KCNH8: variants seen among roughly 807,000 people sequenced by gnomAD.
The protein encoded by KCNH8 is voltage-gated delayed rectifier potassium channel KCNH8.
KCNH8 carries 70 observed loss-of-function variants against 103.6 expected under a neutral mutation model. That is an observed-to-expected ratio of 0.68 (90% CI 0.56 to 0.82). The LOEUF (loss-of-function observed/expected upper bound fraction) is 0.82. Ranked by LOEUF, KCNH8 falls within the 40% of genes least tolerant of loss-of-function variation. KCNH8 has a pLI of 0.00. For synonymous variants in KCNH8, 498 were observed against 489.4 expected (o/e 1.02, Z -0.23); for missense variants, 1,217 against 1,329.9 (o/e 0.92, Z 1.32).
intron 3 of KCNH8, among the ~76,000 whole-genome samples, chr3:19,283,167 A>G (rs1280843870): frequency 6.6e-6 from 1 of 152,190 alleles, no homozygotes; most frequent in Non-Finnish European, 1.5e-5. Context: ...AGAGGCTAGC[A>G]TGTCGCACTA....
Position 19,534,408 on chromosome 3 carries a change from T to C in KCNH8, c.*309T>C. 1.7e-5 allele frequency: 6 copies of C among 353,472 alleles called. No individual in the cohort carries two copies. The East Asian group carries it at 3.1e-4, about 18-fold the overall frequency. The allele number at this position is 353,472 out of a possible 1,614,324, so 21.9% of individuals were successfully genotyped here. A position where few individuals can be genotyped will look rare whatever the true frequency, so the allele number is the denominator to read the frequency against. On this transcript the variant is annotated 3_prime_UTR_variant, in exon 16 of 16. Transcript: ENST00000328405. ...AAGTCCTAGACAAAGAACTTGTGGA[T>C]GACTTTTGTCCCATGTGGCTTTTGT... is the stretch of plus-strand genomic sequence containing the variant.
At chr3:19,386,871 A>G (rs2066364575) in intron 5 of KCNH8, among the ~76,000 whole-genome samples, 1 of 152,114 alleles carries the variant, frequency 6.6e-6, no homozygotes, top group South Asian at 2.1e-4. Flanking sequence ...AGCTACATTC[A>G]GTGTTTGCGA....
Position 19,456,805 on chromosome 3 carries a change from G to A in KCNH8, c.1863G>A (p.Lys621=), listed in dbSNP as rs185490797. The A allele has an allele frequency of 5.6e-6, 9 of 1,610,798 alleles. No homozygotes were observed. Among genetic ancestry groups the A allele is most frequent in the African/African-American group, 4.0e-5 (3 of 74,640 alleles). The change falls in exon 11 of 16, where the codon AAG becomes AAA. Residue 621 remains lysine (K), a synonymous_variant. Coordinates refer to ENST00000328405, the MANE Select transcript of KCNH8 (RefSeq NM_144633.3). ...TAATTGGAGCAAATCTATCAATTAAGGACCAAGTGATCAAGACCAATGCAG... is the reference window on the plus strand; with the variant it reads ...TAATTGGAGCAAATCTATCAATTAAAGACCAAGTGATCAAGACCAATGCAG... ...GDLIGANLSI[K]DQVIKTNADV...
chr3:19,457,889 G>A (rs904011741), intron 11 of KCNH8, among the ~76,000 whole-genome samples: 7 of 151,960 alleles, frequency 4.6e-5, no homozygotes, highest in African/African-American at 1.7e-4. Context: ...TCTAATGACA[G>A]TAAGTATGTA....
chr3:19,308,433 G>C (rs930142575), intron 3 of KCNH8, among the ~76,000 whole-genome samples: 3 of 151,720 alleles, frequency 2.0e-5, no homozygotes, highest in Admixed American at 6.6e-5. Context: ...AGCCTAATCA[G>C]TTACCTTGGG....
At chr3:19,230,107 G>A (rs2063977309) in intron 1 of KCNH8, among the ~76,000 whole-genome samples, 1 of 152,154 alleles carries the variant, frequency 6.6e-6, no homozygotes, top group Non-Finnish European at 1.5e-5. Context: ...AAAACCATCA[G>A]AGCTCATGAG....
intron 3 of KCNH8, among the ~76,000 whole-genome samples, chr3:19,312,075 A>G (rs2065215412): frequency 6.6e-6 from 1 of 151,934 alleles, no homozygotes; most frequent in Admixed American, 6.6e-5. Context: ...GATTGAATCC[A>G]TTTTGAAAAT....
chr3:19,333,811 A>G (rs1053704209), intron 3 of KCNH8, among the ~76,000 whole-genome samples: 1 of 152,208 alleles, frequency 6.6e-6, no homozygotes, highest in Non-Finnish European at 1.5e-5. Flanking sequence ...TTCAGTTCAC[A>G]GTGTAAACAA....
chr3:19,211,068 C>A (rs930732958), intron 1 of KCNH8, among the ~76,000 whole-genome samples: 1 of 152,128 alleles, frequency 6.6e-6, no homozygotes, highest in Non-Finnish European at 1.5e-5. Context: ...CCATTGACCA[C>A]ATATTTTCAT....
At chr3:19,193,340 A>G (rs1198689564) in intron 1 of KCNH8, among the ~76,000 whole-genome samples, 1 of 151,660 alleles carries the variant, frequency 6.6e-6, no homozygotes, top group African/African-American at 2.4e-5. Flanking sequence ...TCTTATCTCC[A>G]TGGATACTAA....
chr3:19,293,218 G>A (rs1553634366), intron 3 of KCNH8, among the ~76,000 whole-genome samples: 1 of 152,112 alleles, frequency 6.6e-6, no homozygotes, highest in Non-Finnish European at 1.5e-5. Flanking sequence ...AAAGTTCAGG[G>A]CCATCTGGTC....
At chr3:19,341,770 T>C (rs2065662317) in intron 3 of KCNH8, among the ~76,000 whole-genome samples, 1 of 152,114 alleles carries the variant, frequency 6.6e-6, no homozygotes, top group Non-Finnish European at 1.5e-5. Flanking sequence ...ATCCAAATAT[T>C]GGCCAATATT....
rs1438441802 is a variant in KCNH8 at position 19,342,452 on chromosome 3, T to C, written c.443-135T>C. On this transcript the variant is annotated intron_variant, in intron 3 of 15. Transcript: ENST00000328405. ...TAAAGGACTAAAATTAAATTAAATG[T>C]CATTAGGATCCAGCAGATTATTGTA... is the stretch of plus-strand genomic sequence containing the variant. The C allele has an allele frequency of 4.5e-6, 3 of 665,746 alleles. No individual in the cohort carries two copies. The Admixed American group carries it at 1.2e-4, about 26-fold the overall frequency. The allele number at this position is 665,746 out of a possible 1,614,324, so 41.2% of individuals were successfully genotyped here.
chr3:19,448,689 T>C (rs996011802), intron 8 of KCNH8, among the ~76,000 whole-genome samples: 1 of 152,016 alleles, frequency 6.6e-6, no homozygotes, highest in African/African-American at 2.4e-5. Flanking sequence ...TAACATAGCT[T>C]CTTGGGCACT....
At chr3:19,328,895 A>G (rs1386408059) in intron 3 of KCNH8, among the ~76,000 whole-genome samples, 2 of 152,136 alleles carry the variant, frequency 1.3e-5, no homozygotes, top group Non-Finnish European at 2.9e-5. Context: ...GTGTTGCTGG[A>G]TGATTTCTTT....
chr3:19,483,680 A>G (rs1411322216), intron 11 of KCNH8, among the ~76,000 whole-genome samples: 3 of 152,212 alleles, frequency 2.0e-5, no homozygotes, highest in East Asian at 3.8e-4. Context: ...TTCATCATAG[A>G]AAGTTTAAAA....
rs541060438 is a variant in KCNH8 at position 19,373,954 on chromosome 3, T to G, written c.812-16527T>G. 3.3e-4 allele frequency among the ~76,000 whole-genome samples: 51 copies of G among 152,340 alleles called. No individual in the cohort carries two copies. The South Asian group carries it at 9.1e-3, about 27-fold the overall frequency. ...TTCTTAATCCTGAGTTCTAGTTTGA[T>G]TGCACTGTGGTCTGAGAGATAGTTT... On this transcript the variant is annotated intron_variant, in intron 5 of 15. Transcript: ENST00000328405.
At chr3:19,363,694 A>G (rs909577834) in intron 5 of KCNH8, among the ~76,000 whole-genome samples, 1 of 152,146 alleles carries the variant, frequency 6.6e-6, no homozygotes, top group African/African-American at 2.4e-5. Context: ...TTACACTAGT[A>G]GCCCCCAAAA....
At chr3:19,429,242 C>T (rs368707117) in intron 7 of KCNH8, among the ~76,000 whole-genome samples, 2 of 144,302 alleles carry the variant, frequency 1.4e-5, no homozygotes, top group African/African-American at 2.6e-5. Flanking sequence ...GGCGCGATCT[C>T]GGCTCACTGC....
Sources: allele counts gnomAD v4.1 joint callset (sites outside exome capture counted in the v4.1 genomes callset), GRCh38; gene constraint gnomAD v4.1.1; transcripts MANE v1.5; gene names NCBI Gene and HGNC (gene_info 2026-07-23, HGNC 2026-07-21).